Variants in ABCA4 observed in about 807,000 individuals in gnomAD.
ABCA4 encodes ATP binding cassette subfamily A member 4, also known as retinal-specific phospholipid-transporting ATPase ABCA4.
Under a neutral mutation model 263.7 loss-of-function variants are expected in ABCA4, and 196 were observed. The observed-to-expected ratio is 0.74, with a 90% CI of 0.66 to 0.84. ABCA4 has a LOEUF of 0.84. Among genes scored for constraint, ABCA4 ranks in the 40% least tolerant of loss-of-function variants. The pLI is 0.00. For missense variants in ABCA4, 2,792 were observed against 2,855.1 expected, an observed-to-expected ratio of 0.98 and a Z score of 0.50; for synonymous variants, 1,133 against 1,094.2, an observed-to-expected ratio of 1.04 and a Z score of -0.70.
At position 94,060,609 on chromosome 1, in the gene ABCA4, A is replaced by C. The variant is rs1661096126; in HGVS notation, c.2088T>G (p.Ile696Met). Residue 696 changes from isoleucine (I) to methionine (M), a missense_variant, in exon 14 of 50, where the codon ATT becomes ATG. Transcript: ENST00000370225. ...AGCTGTCCAGGAACCAGGTACACCA[A>C]ATCACTGCATTGGAGACACCCTGAT... ...LKNQGVSNAV[I>M]WCTWFLDSFS... The C allele has an allele frequency of 6.2e-7, 1 of 1,614,206 alleles. No homozygotes were observed. Among genetic ancestry groups the C allele is most frequent in the South Asian group, 1.1e-5 (1 of 91,082 alleles).
intron 32 of ABCA4, 106 bp downstream of exon 32, chr1:94,023,280 A>G: frequency 1.1e-6 from 1 of 943,214 alleles, no homozygotes; most frequent in Admixed American, 2.0e-5. Flanking sequence ...GAGCACCTAC[A>G]GAACAGCCCC....
At chr1:94,045,784 A>C in intron 19 of ABCA4, 1 of 456,292 alleles carries the variant, frequency 2.2e-6, no homozygotes, top group Non-Finnish European at 4.4e-6. Flanking sequence ...ATTCCATCAC[A>C]GGGTGTACAC....
At chr1:94,018,207 A>G (rs573424025) in intron 36 of ABCA4, among the ~76,000 whole-genome samples, 1 of 147,542 alleles carries the variant, frequency 6.8e-6, no homozygotes, top group Admixed American at 6.8e-5. Context: ...GCGTGCACAC[A>G]TACACACACA....
intron 38 of ABCA4, among the ~76,000 whole-genome samples, chr1:94,012,534 A>T (rs1659575209): frequency 6.6e-6 from 1 of 152,044 alleles, no homozygotes; most frequent in South Asian, 2.1e-4. Flanking sequence ...AGTCCTAATT[A>T]TTTTTTTGTC....
intron 8 of ABCA4, among the ~76,000 whole-genome samples, chr1:94,079,832 A>G (rs1249267987): frequency 6.6e-6 from 1 of 152,178 alleles, no homozygotes. Flanking sequence ...GAGCCTCAGT[A>G]ATTTCCCTTC....
chr1:94,044,221 T>C (rs184356848), intron 20 of ABCA4, among the ~76,000 whole-genome samples: 17 of 152,158 alleles, frequency 1.1e-4, no homozygotes, highest in African/African-American at 4.1e-4. Flanking sequence ...AAAAAGTAAC[T>C]GAAAAGCCCC....
chr1:94,009,597 T>C (rs1179715283), intron 40 of ABCA4, among the ~76,000 whole-genome samples: 3 of 152,190 alleles, frequency 2.0e-5, no homozygotes, highest in Non-Finnish European at 2.9e-5. Flanking sequence ...AGTCCCTCAA[T>C]GTTCTCCTCC....
Position 94,001,010 on chromosome 1 carries a change from T to C in ABCA4, c.6378A>G (p.Thr2126=), listed in dbSNP as rs1188434197. 1 of 1,614,038 alleles carries C rather than the reference T, an allele frequency of 6.2e-7. No homozygotes were observed. Among genetic ancestry groups the C allele is most frequent in the Admixed American group, 1.7e-5 (1 of 60,022 alleles). The stretch of plus-strand genomic sequence containing the variant: ...CCCTGGGAATCTCTTGCCTGTGGGA[T>C]GTGAGGACCACAGCCCTCCCTTCTC... ...IIREGRAVVL[T]SHSMEECEAL... The change falls in exon 46 of 50, where the codon ACA becomes ACG. Residue 2126 remains threonine, a synonymous_variant. Coordinates refer to ENST00000370225, the MANE Select transcript of ABCA4 (RefSeq NM_000350.3).
intron 1 of ABCA4, among the ~76,000 whole-genome samples, chr1:94,116,154 AGGAGTAGGGGAGGGATCAGCAC>A (rs1248842532): frequency 6.6e-6 from 1 of 152,172 alleles, no homozygotes; most frequent in Non-Finnish European, 1.5e-5. Context: ...GCCTCCTCTC[AGGAGTAGGGGAGGGATCAGCAC>A]CTCCTTTCTC....
intron 1 of ABCA4, among the ~76,000 whole-genome samples, chr1:94,114,146 T>A (rs1662685395): frequency 6.6e-6 from 1 of 152,208 alleles, no homozygotes; most frequent in Non-Finnish European, 1.5e-5. Flanking sequence ...GTTGTTTTCC[T>A]CTCAAAGAAA....
chr1:94,043,594 G>T (rs1034154516), intron 20 of ABCA4, 119 bp from the exon 21 acceptor site: 26 of 1,384,924 alleles, frequency 1.9e-5, no homozygotes, highest in Non-Finnish European at 2.4e-5. Flanking sequence ...GCTCACTGTG[G>T]TGGTGTTTAT....
intron 15 of ABCA4, among the ~76,000 whole-genome samples, chr1:94,055,955 G>C (rs1351019069): frequency 6.6e-6 from 1 of 152,208 alleles, no homozygotes; most frequent in African/African-American, 2.4e-5. Context: ...GCCAGAGGCT[G>C]ATTAGAGGGT....
Position 93,998,041 on chromosome 1 carries a change from G to C in ABCA4, c.6549C>G (p.Asn2183Lys), listed in dbSNP as rs751809329. ...SPKDDLLPDL[N>K]PVEQFFQGNF... ...TCCCCTGGAAGAACTGCTCCACAGG[G>C]TTCAGGTCAGGAAGCAGGTCGTCCT... Residue 2183 changes from asparagine (N) to lysine (K), a missense_variant, in exon 48 of 50, where the codon AAC becomes AAG. Physicochemically the swap from Asn to Lys is moderately conservative, Grantham distance 94. Transcript: ENST00000370225. 1 of 1,614,184 alleles carries C rather than the reference G, an allele frequency of 6.2e-7. No homozygotes were observed. Among genetic ancestry groups the C allele is most frequent in the Admixed American group, 1.7e-5 (1 of 60,032 alleles).
chr1:94,024,352 A>C (rs1659980052), intron 31 of ABCA4, among the ~76,000 whole-genome samples: 1 of 152,168 alleles, frequency 6.6e-6, no homozygotes, highest in South Asian at 2.1e-4. Flanking sequence ...TGATAAGAAC[A>C]GCTGGAGAGC....
intron 40 of ABCA4, 146 bp downstream of exon 40, chr1:94,010,654 T>G: frequency 3.5e-6 from 4 of 1,155,230 alleles, no homozygotes; most frequent in Non-Finnish European, 5.1e-6. Flanking sequence ...CCTCTACTTG[T>G]ATTATTGGAG....
intron 44 of ABCA4, among the ~76,000 whole-genome samples, chr1:94,002,201 G>A (rs1175383382): frequency 6.6e-6 from 1 of 152,190 alleles, no homozygotes; most frequent in Non-Finnish European, 1.5e-5. Context: ...TCCCAGGGTG[G>A]CCCAGCCTGC....
Position 94,064,947 on chromosome 1 carries a change from AG to A in ABCA4, c.1555-1631del, listed in dbSNP as rs568162170. On this transcript the variant is annotated intron_variant, in intron 11 of 49. Coordinates refer to ENST00000370225, the MANE Select transcript of ABCA4 (RefSeq NM_000350.3). ...CTGGTAGTGGAGAGGGGGGAAAGCA[AG>A]CAGGAAGACTGGGTTATTGATGTAC... is the stretch of plus-strand genomic sequence containing the variant. Among the ~76,000 whole-genome samples the A allele has an allele frequency of 1.8e-4, 28 of 152,252 alleles. 1 individual carries two copies. In the East Asian group the frequency reaches 5.2e-3, roughly 29 times the overall value.
At position 94,115,069 on chromosome 1, in the gene ABCA4, C is replaced by T. The variant is rs117829737; in HGVS notation, c.67-2003G>A. Among the ~76,000 whole-genome samples the T allele has an allele frequency of 5.3e-5, 8 of 152,340 alleles. No homozygotes were observed. The South Asian group carries it at 1.0e-3, about 20-fold the overall frequency. On this transcript the variant is annotated intron_variant, in intron 1 of 49. Transcript: ENST00000370225. The stretch of plus-strand genomic sequence containing the variant: ...AACAGTCTGTAGATTTAAGAAACAG[C>T]CTCCCCCAGGGTCATGTACATTGGT...
chr1:94,097,320 G>A (rs952422024), intron 6 of ABCA4, among the ~76,000 whole-genome samples: 4 of 152,098 alleles, frequency 2.6e-5, no homozygotes, highest in African/African-American at 9.7e-5. Flanking sequence ...AGCGTGGACC[G>A]TGCCAGAAAC....
Sources: allele counts gnomAD v4.1 joint callset (sites outside exome capture counted in the v4.1 genomes callset), GRCh38; gene constraint gnomAD v4.1.1; transcripts MANE v1.5; gene names NCBI Gene and HGNC (gene_info 2026-07-23, HGNC 2026-07-21).